ORC2: variants seen among roughly 807,000 people sequenced by gnomAD.
ORC2 encodes origin recognition complex protein 2 homolog.
Under a neutral mutation model 77.7 loss-of-function variants are expected in ORC2, and 37 were observed. That is an observed-to-expected ratio of 0.48 (90% CI 0.37 to 0.63). ORC2 has a LOEUF of 0.63. Among genes scored for constraint, ORC2 ranks in the 20% least tolerant of loss-of-function variants. ORC2 has a pLI of 0.00. For synonymous variants in ORC2, 201 were observed against 229.5 expected (o/e 0.88, Z 1.12); for missense variants, 557 against 661.9 (o/e 0.84, Z 1.74).
chr2:200,958,931 C>A (rs2041521163), intron 2 of ORC2, among the ~76,000 whole-genome samples: 1 of 152,170 alleles, frequency 6.6e-6, no homozygotes, highest in Non-Finnish European at 1.5e-5. Flanking sequence ...ATTCAGTGTT[C>A]TTGGTGATTT....
In ORC2 at chr2:200,909,692, C is replaced by T. The variant is rs2040517878; in HGVS notation, c.*1609G>A. On this transcript the variant is annotated 3_prime_UTR_variant, in exon 18 of 18. Coordinates refer to ENST00000234296, the MANE Select transcript of ORC2 (RefSeq NM_006190.5). Reference sequence around the variant, plus strand: ...CTCTAGACTGGATGACAGTGCAATTCCATCTAAAAAAAAAAAAAAAAAAAA... The same window carrying T: ...CTCTAGACTGGATGACAGTGCAATTTCATCTAAAAAAAAAAAAAAAAAAAA... The T allele has an allele frequency of 7.7e-6, 1 of 130,432 alleles. No individual in the cohort carries two copies. Among genetic ancestry groups the T allele is most frequent in the African/African-American group, 3.1e-5 (1 of 32,744 alleles). The allele number at this position is 130,432 out of a possible 1,614,324, so 8.1% of individuals were successfully genotyped here.
rs2040516713 is a variant in ORC2 at position 200,909,570 on chromosome 2, G to C, written c.*1731C>G. On this transcript the variant is annotated 3_prime_UTR_variant, in exon 18 of 18. Coordinates refer to ENST00000234296, the MANE Select transcript of ORC2 (RefSeq NM_006190.5). ...AATTCAAAAACTAGCCAGGCGTGGTGGCGTGTGCCTGTAGTCCCAGCTCAG... is the reference window on the plus strand; with the variant it reads ...AATTCAAAAACTAGCCAGGCGTGGTCGCGTGTGCCTGTAGTCCCAGCTCAG... The C allele has an allele frequency of 2.6e-5, 4 of 151,940 alleles. No individual in the cohort carries two copies. In the South Asian group the frequency reaches 8.3e-4, roughly 32 times the overall value. The allele number at this position is 151,940 out of a possible 1,614,324, so 9.4% of individuals were successfully genotyped here. A position where few individuals can be genotyped will look rare whatever the true frequency, so the allele number is the denominator to read the frequency against.
intron 4 of ORC2, among the ~76,000 whole-genome samples, chr2:200,952,863 C>T (rs904623120): frequency 2.6e-5 from 4 of 150,982 alleles, no homozygotes; most frequent in African/African-American, 7.3e-5. Context: ...CTAATCTCAG[C>T]ACTTTGGATA....
intron 16 of ORC2, 195 bp downstream of exon 16, chr2:200,913,736 G>A: frequency 1.5e-6 from 2 of 1,369,890 alleles, no homozygotes; most frequent in African/African-American, 1.5e-5. Context: ...CTTTCAATTT[G>A]TGTTGGCAAA....
rs1161896237 is a variant in ORC2, at chr2:200,910,777, T to TA, written c.*523_*524insT. The TA allele has an allele frequency of 8.0e-5, 12 of 149,452 alleles. No individual in the cohort carries two copies. Among genetic ancestry groups the TA allele is most frequent in the African/African-American group, 2.7e-4 (11 of 40,062 alleles). 9.3% of individuals were successfully genotyped at this position (149,452 alleles called of 1,614,324 possible). On this transcript the variant is annotated 3_prime_UTR_variant, in exon 18 of 18. Coordinates refer to ENST00000234296, the MANE Select transcript of ORC2 (RefSeq NM_006190.5). ...GGAGAAAGCTGGATCACTCACCTCT[T>TA]CCCAATCTACACCTTTTAAGTTGTT...
At position 200,949,747 on chromosome 2, in the gene ORC2, T is replaced by C. The variant is rs527320806; in HGVS notation, c.239-104A>G. ...GATTTGTACCCCTCATAGCCTTGCA[T>C]AAAGATTTAACTATATTTATATATA... On this transcript the variant is annotated intron_variant, in intron 4 of 17. Coordinates refer to ENST00000234296, the MANE Select transcript of ORC2 (RefSeq NM_006190.5). The C allele has an allele frequency of 2.6e-5, 15 of 568,660 alleles. No homozygotes were observed. The East Asian group carries it at 4.1e-4, about 15-fold the overall frequency. 35.2% of individuals were successfully genotyped at this position (568,660 alleles called of 1,614,324 possible). A position where few individuals can be genotyped will look rare whatever the true frequency, so the allele number is the denominator to read the frequency against.
chr2:200,938,782 G>C (rs560854071), intron 7 of ORC2, among the ~76,000 whole-genome samples: 1 of 152,298 alleles, frequency 6.6e-6, no homozygotes, highest in African/African-American at 2.4e-5. Context: ...TCATGCCTGT[G>C]TAATCCCAGC....
Position 200,911,237 on chromosome 2 carries a change from C to T in ORC2, c.*64G>A. ...ATGTCAGATGTAAACACAACACTTTCAACTAGAGGAGTGGCAGCTGGGGTA... is the reference window on the plus strand; with the variant it reads ...ATGTCAGATGTAAACACAACACTTTTAACTAGAGGAGTGGCAGCTGGGGTA... On this transcript the variant is annotated 3_prime_UTR_variant, in exon 18 of 18. Coordinates refer to ENST00000234296, the MANE Select transcript of ORC2 (RefSeq NM_006190.5). 1.1e-6 allele frequency: 1 copy of T among 925,704 alleles called. No homozygotes were observed. Among genetic ancestry groups the T allele is most frequent in the South Asian group, 1.3e-5 (1 of 74,932 alleles). The allele number at this position is 925,704 out of a possible 1,614,324, so 57.3% of individuals were successfully genotyped here. A position where few individuals can be genotyped will look rare whatever the true frequency, so the allele number is the denominator to read the frequency against.
chr2:200,959,116 T>A (rs1455656450), intron 2 of ORC2, among the ~76,000 whole-genome samples: 1 of 152,162 alleles, frequency 6.6e-6, no homozygotes, highest in Non-Finnish European at 1.5e-5. Flanking sequence ...CTGAAGTAGT[T>A]GGGATTACAG....
intron 13 of ORC2, 197 bp from the exon 14 acceptor site, chr2:200,921,336 G>A (rs917722962): frequency 2.6e-5 from 8 of 309,772 alleles, no homozygotes; most frequent in Admixed American, 1.5e-4. Context: ...TGTTTTTTTG[G>A]TAGAGACGGG....
At chr2:200,952,648 G>A (rs543318557) in intron 4 of ORC2, among the ~76,000 whole-genome samples, 4 of 151,980 alleles carry the variant, frequency 2.6e-5, no homozygotes, top group Non-Finnish European at 5.9e-5. Flanking sequence ...TTTTAAATAA[G>A]GTGAGAATGA....
chr2:200,948,961 G>C (rs918007289), intron 5 of ORC2, among the ~76,000 whole-genome samples: 1 of 151,984 alleles, frequency 6.6e-6, no homozygotes, highest in Non-Finnish European at 1.5e-5. Flanking sequence ...AGCTATGGCC[G>C]GGCATGGTGA....
chr2:200,951,644 C>T (rs1246900206), intron 4 of ORC2, among the ~76,000 whole-genome samples: 1 of 152,070 alleles, frequency 6.6e-6, no homozygotes, highest in Non-Finnish European at 1.5e-5. Flanking sequence ...TGCTTATTGG[C>T]CATCTGTTTA....
At position 200,912,762 on chromosome 2, in the gene ORC2, T is replaced by C. The variant is rs16835613; in HGVS notation, c.1647+533A>G. 7.9e-5 allele frequency among the ~76,000 whole-genome samples: 12 copies of C among 152,314 alleles called. No individual in the cohort carries two copies. The East Asian group carries it at 2.1e-3, about 27-fold the overall frequency. On this transcript the variant is annotated intron_variant, in intron 17 of 17. Transcript: ENST00000234296. ...ATCTCAGCTCAGTGGTCTCTTCTGA[T>C]ATCTATCCATAATTAGGTCAAATCC...
rs1312812872 is a variant in ORC2 at position 200,909,002 on chromosome 2, TTTTA to T, written c.*2295_*2298del. ...TAAAGTGATTCTATCCAAATTGGCT[TTTTA>T]TTTATTAATAATAAAGTCTACTGAC... On this transcript the variant is annotated 3_prime_UTR_variant, in exon 18 of 18. Transcript: ENST00000234296. The T allele has an allele frequency of 6.6e-6, 1 of 152,216 alleles. No individual in the cohort carries two copies. Among genetic ancestry groups the T allele is most frequent in the Non-Finnish European group, 1.5e-5 (1 of 68,042 alleles). The allele number at this position is 152,216 out of a possible 1,614,324, so 9.4% of individuals were successfully genotyped here. A position where few individuals can be genotyped will look rare whatever the true frequency, so the allele number is the denominator to read the frequency against.
intron 1 of ORC2, among the ~76,000 whole-genome samples, chr2:200,960,283 A>C (rs1575190323): frequency 6.6e-6 from 1 of 152,252 alleles, no homozygotes. Flanking sequence ...AGGTCAAAAA[A>C]ATTTTTTTAA....
rs1385002413 is a variant in ORC2 at position 200,953,974 on chromosome 2, G to A, written c.238+3427C>T. ...TAGGACTACAGGTGCATGCCACCAC[G>A]CCCAGCTAATTTTTGTATGTTTTTT... On this transcript the variant is annotated intron_variant, in intron 4 of 17. Transcript: ENST00000234296. Among the ~76,000 whole-genome samples the A allele has an allele frequency of 5.3e-5, 8 of 151,846 alleles. 1 individual carries two copies. The South Asian group carries it at 8.3e-4, about 16-fold the overall frequency.
Position 200,937,959 on chromosome 2 carries a change from T to A in ORC2, c.461A>T (p.Asp154Val). 6.3e-7 allele frequency: 1 copy of A among 1,595,996 alleles called. No individual in the cohort carries two copies. Among genetic ancestry groups the A allele is most frequent in the Non-Finnish European group, 8.6e-7 (1 of 1,165,346 alleles). ...ASDKVQPKNN[D>V]KSEFLSTAPR... ...TGCTGTTGACAGAAATTCACTTTTG[T>A]CATTGTTCTGTTTAGAAATAGAAAA... Residue 154 changes from aspartate to valine, a missense_variant, in exon 8 of 18, where the codon GAC becomes GTC. By Grantham distance (152) the Asp-to-Val change is radical (BLOSUM62 -3). Transcript: ENST00000234296.
At chr2:200,958,172 A>G (rs2041507336) in intron 2 of ORC2, 39 bp from the exon 3 acceptor site, 9 of 1,136,704 alleles carry the variant, frequency 7.9e-6, no homozygotes, top group Non-Finnish European at 1.2e-5. Context: ...GTGATGAAGA[A>G]TTCATATCAA....
Sources: allele counts gnomAD v4.1 joint callset (sites outside exome capture counted in the v4.1 genomes callset), GRCh38; gene constraint gnomAD v4.1.1; transcripts MANE v1.5; gene names NCBI Gene and HGNC (gene_info 2026-07-23, HGNC 2026-07-21).